Variants in GAB2 observed in about 807,000 individuals in gnomAD.
GAB2 encodes the protein GRB2 associated binding protein 2, also known as GRB2-associated-binding protein 2.
Under a neutral mutation model 65.5 loss-of-function variants are expected in GAB2, and 26 were observed. The observed-to-expected ratio is 0.40, with a 90% CI of 0.29 to 0.55. The LOEUF (loss-of-function observed/expected upper bound fraction) is 0.55, where lower values mean the gene tolerates loss of function less well. Ranked by LOEUF, GAB2 falls within the 20% of genes least tolerant of loss-of-function variation. GAB2 has a pLI of 0.53. For synonymous variants in GAB2, 321 were observed against 329.6 expected (o/e 0.97, Z 0.28); for missense variants, 884 against 875.8 (o/e 1.01, Z -0.12).
intron 1 of GAB2, among the ~76,000 whole-genome samples, chr11:78,295,342 C>T (rs1015873122): frequency 6.6e-6 from 1 of 152,104 alleles, no homozygotes; most frequent in African/African-American, 2.4e-5. Context: ...ACCATATGTC[C>T]GAACCAGTTT....
chr11:78,380,351 C>T (rs1310594206), intron 1 of GAB2, among the ~76,000 whole-genome samples: 11 of 152,088 alleles, frequency 7.2e-5, no homozygotes, highest in Non-Finnish European at 1.6e-4. Context: ...ACTACAGGTG[C>T]GTGCCACCAT....
At chr11:78,281,458 G>A (rs1379620540) in intron 1 of GAB2, among the ~76,000 whole-genome samples, 10 of 152,084 alleles carry the variant, frequency 6.6e-5, no homozygotes, top group Admixed American at 2.6e-4. Context: ...TTGGTCAGGC[G>A]GGTCTCGAAC....
intron 2 of GAB2, among the ~76,000 whole-genome samples, chr11:78,252,459 A>G (rs758133205): frequency 6.6e-6 from 1 of 152,234 alleles, no homozygotes; most frequent in South Asian, 2.1e-4. Context: ...GGCCATGGAA[A>G]GAATACAAGC....
chr11:78,412,337 T>C (rs976982439), intron 1 of GAB2, among the ~76,000 whole-genome samples: 3 of 151,982 alleles, frequency 2.0e-5, no homozygotes, highest in Non-Finnish European at 4.4e-5. Flanking sequence ...TACTTAGCAA[T>C]AAAAAACAAT....
intron 1 of GAB2, among the ~76,000 whole-genome samples, chr11:78,316,934 C>G (rs1855619455): frequency 6.6e-6 from 1 of 152,138 alleles, no homozygotes; most frequent in Non-Finnish European, 1.5e-5. Context: ...TACATGCATA[C>G]AATGGAATAC....
chr11:78,288,868 T>C (rs1004666232), intron 1 of GAB2, among the ~76,000 whole-genome samples: 1 of 152,198 alleles, frequency 6.6e-6, no homozygotes, highest in African/African-American at 2.4e-5. Context: ...ATAGCTAAAA[T>C]AATTCTGAAA....
At chr11:78,389,784 GC>G (rs1312143245) in intron 1 of GAB2, among the ~76,000 whole-genome samples, 2 of 152,126 alleles carry the variant, frequency 1.3e-5, no homozygotes, top group Admixed American at 6.5e-5. Flanking sequence ...TAAAGTTGAA[GC>G]CCCTTTTACC....
chr11:78,348,940 A>G (rs962260817), intron 1 of GAB2, among the ~76,000 whole-genome samples: 2 of 152,248 alleles, frequency 1.3e-5, no homozygotes, highest in Non-Finnish European at 2.9e-5. Flanking sequence ...AGCTGCACAA[A>G]AAGTGTACAT....
chr11:78,362,494 A>C lies in GAB2; in HGVS notation c.75+55152T>G, dbSNP rs182316003. The stretch of plus-strand genomic sequence containing the variant: ...GTTCAATCCAAAAGGTAAGATTAAA[A>C]AAAACAACAGAAAATTTCAGTGTAA... On this transcript the variant is annotated intron_variant, in intron 1 of 9. Coordinates refer to ENST00000361507, the MANE Select transcript of GAB2 (RefSeq NM_080491.3). 1.9e-3 allele frequency among the ~76,000 whole-genome samples: 287 copies of C among 152,298 alleles called. 1 individual carries two copies. Among genetic ancestry groups the C allele is most frequent in the African/African-American group, 6.7e-3 (279 of 41,578 alleles).
chr11:78,276,154 G>A lies in GAB2; in HGVS notation c.376+4447C>T, dbSNP rs186689575. Among the ~76,000 whole-genome samples, 489 of 151,146 alleles carry A rather than the reference G, an allele frequency of 3.2e-3. 2 individuals are homozygous for A. The highest frequency in any genetic ancestry group is 0.011 in the African/African-American group (465 of 41,282). ...GAAGAAGAAAAGAATATATTTCCTA[G>A]CCAGGAGCCGTGGTGCATGCCTGTA... On this transcript the variant is annotated intron_variant, in intron 2 of 9. Coordinates refer to ENST00000361507, the MANE Select transcript of GAB2 (RefSeq NM_080491.3).
intron 1 of GAB2, among the ~76,000 whole-genome samples, chr11:78,360,418 G>A (rs1285236188): frequency 2.0e-5 from 3 of 150,044 alleles, no homozygotes; most frequent in Admixed American, 2.0e-4. Flanking sequence ...AAGAAGAAGA[G>A]GAGGAGGAAA....
chr11:78,336,272 C>CCACTGCACT (rs551545772), intron 1 of GAB2, among the ~76,000 whole-genome samples: 3 of 137,236 alleles, frequency 2.2e-5, no homozygotes, highest in East Asian at 2.2e-4. Flanking sequence ...CAAGATCGCA[C>CCACTGCACT]CACTGCACTC....
At chr11:78,273,909 G>A (rs1355562175) in intron 2 of GAB2, among the ~76,000 whole-genome samples, 1 of 152,144 alleles carries the variant, frequency 6.6e-6, no homozygotes, top group Non-Finnish European at 1.5e-5. Flanking sequence ...TCGGCCTGCT[G>A]CCACTGATAT....
At chr11:78,277,381 T>A (rs540673897) in intron 2 of GAB2, among the ~76,000 whole-genome samples, 2 of 152,262 alleles carry the variant, frequency 1.3e-5, no homozygotes, top group South Asian at 2.1e-4. Context: ...TCACCAGGAA[T>A]GTCAGGCAAC....
intron 1 of GAB2, among the ~76,000 whole-genome samples, chr11:78,294,490 C>T (rs1036207633): frequency 1.9e-4 from 29 of 152,178 alleles, no homozygotes; most frequent in African/African-American, 4.8e-4. Context: ...GGAATCGCCA[C>T]GCTGACTTCT....
intron 1 of GAB2, among the ~76,000 whole-genome samples, chr11:78,281,708 A>G (rs1866341051): frequency 6.6e-6 from 1 of 152,250 alleles, no homozygotes; most frequent in African/African-American, 2.4e-5. Flanking sequence ...CTATGTAAAC[A>G]GGGTCTTATC....
At chr11:78,275,404 TTC>T (rs1866138708) in intron 2 of GAB2, among the ~76,000 whole-genome samples, 1 of 152,144 alleles carries the variant, frequency 6.6e-6, no homozygotes, top group Non-Finnish European at 1.5e-5. Context: ...AATGTTAACT[TTC>T]TGTTTCTCCT....
chr11:78,277,861 G>C (rs147879456), intron 2 of GAB2, among the ~76,000 whole-genome samples: 1 of 152,146 alleles, frequency 6.6e-6, no homozygotes, highest in South Asian at 2.1e-4. Flanking sequence ...ACTTCCTTTT[G>C]TTCCTGCTCT....
At chr11:78,241,921 A>T (rs925976122) in intron 3 of GAB2, among the ~76,000 whole-genome samples, 1 of 152,220 alleles carries the variant, frequency 6.6e-6, no homozygotes, top group African/African-American at 2.4e-5. Context: ...ATCAACAGGG[A>T]AACAATTAGA....
Sources: allele counts gnomAD v4.1 joint callset (sites outside exome capture counted in the v4.1 genomes callset), GRCh38; gene constraint gnomAD v4.1.1; transcripts MANE v1.5; gene names NCBI Gene and HGNC (gene_info 2026-07-23, HGNC 2026-07-21).